The following GRID2 variants were observed in gnomAD, a reference collection of about 807,000 sequenced individuals.
The protein encoded by GRID2 is glutamate receptor ionotropic, delta-2.
A neutral mutation model predicts 114.8 loss-of-function variants in GRID2; 33 were observed. That is an observed-to-expected ratio of 0.29 (90% CI 0.22 to 0.38). The LOEUF (loss-of-function observed/expected upper bound fraction) is 0.38, where lower values mean the gene tolerates loss of function less well. Among genes scored for constraint, GRID2 ranks in the 10% least tolerant of loss-of-function variants. GRID2 has a pLI of 1.00. For missense variants in GRID2, 1,184 were observed against 1,257.7 expected (o/e 0.94, Z 0.89); for synonymous variants, 505 against 449.9 (o/e 1.12, Z -1.55).
At chr4:93,517,133 A>T (rs1175528986) in intron 13 of GRID2, among the ~76,000 whole-genome samples, 1 of 152,040 alleles carries the variant, frequency 6.6e-6, no homozygotes, top group African/African-American at 2.4e-5. Flanking sequence ...GTCAAGATTA[A>T]ATAAGATAAT....
chr4:92,611,112 G>A (rs1303502283), intron 2 of GRID2, among the ~76,000 whole-genome samples: 3 of 134,582 alleles, frequency 2.2e-5, no homozygotes, highest in African/African-American at 7.9e-5. Context: ...GTATATGTGT[G>A]TGTATGTGTG....
intron 1 of GRID2, among the ~76,000 whole-genome samples, chr4:92,434,450 C>T (rs1436895809): frequency 1.3e-5 from 2 of 152,118 alleles, no homozygotes; most frequent in African/African-American, 4.8e-5. Context: ...TGCTGTTTTC[C>T]TTGCGCCTAT....
intron 2 of GRID2, among the ~76,000 whole-genome samples, chr4:92,642,135 A>G (rs1270302544): frequency 6.6e-6 from 1 of 151,410 alleles, no homozygotes; most frequent in East Asian, 1.9e-4. Context: ...TTGTATAAGG[A>G]TCTGTTTTCC....
intron 14 of GRID2, among the ~76,000 whole-genome samples, chr4:93,725,272 T>G (rs1216061545): frequency 6.6e-6 from 1 of 152,190 alleles, no homozygotes; most frequent in East Asian, 1.9e-4. Flanking sequence ...CTGAGAATGA[T>G]GGTTTCCAGT....
At chr4:93,746,087 A>T (rs1177338154) in intron 14 of GRID2, among the ~76,000 whole-genome samples, 1 of 152,126 alleles carries the variant, frequency 6.6e-6, no homozygotes, top group Non-Finnish European at 1.5e-5. Context: ...GTAAGTGTAT[A>T]GGTCTTTGGT....
intron 2 of GRID2, among the ~76,000 whole-genome samples, chr4:92,880,946 A>G (rs1745961534): frequency 6.6e-6 from 1 of 152,026 alleles, no homozygotes; most frequent in African/African-American, 2.4e-5. Flanking sequence ...CTGTCGCCCC[A>G]GGCTGGAGTG....
chr4:92,956,958 C>T (rs1354901807), intron 2 of GRID2, among the ~76,000 whole-genome samples: 3 of 152,058 alleles, frequency 2.0e-5, no homozygotes, highest in Non-Finnish European at 4.4e-5. Flanking sequence ...TGTATATCTT[C>T]TTTGGTGAGG....
At chr4:93,281,238 A>T (rs560199898) in intron 8 of GRID2, among the ~76,000 whole-genome samples, 2 of 151,888 alleles carry the variant, frequency 1.3e-5, no homozygotes, top group South Asian at 4.2e-4. Context: ...GAAGTGAGGG[A>T]AATAAATTAC....
intron 12 of GRID2, among the ~76,000 whole-genome samples, chr4:93,497,173 C>G (rs1359944817): frequency 6.6e-6 from 1 of 151,418 alleles, no homozygotes; most frequent in African/African-American, 2.4e-5. Context: ...TAATCCTTAT[C>G]CTCTTCCATG....
intron 8 of GRID2, among the ~76,000 whole-genome samples, chr4:93,334,907 G>A (rs1478653843): frequency 6.6e-6 from 1 of 151,858 alleles, no homozygotes; most frequent in Non-Finnish European, 1.5e-5. Context: ...TTCCAGCCTG[G>A]GCAACAAGAG....
chr4:93,114,217 C>T (rs1733031210), intron 4 of GRID2, among the ~76,000 whole-genome samples: 1 of 152,056 alleles, frequency 6.6e-6, no homozygotes, highest in South Asian at 2.1e-4. Flanking sequence ...TACTCATTAC[C>T]AATAACCTAC....
intron 2 of GRID2, among the ~76,000 whole-genome samples, chr4:92,688,243 T>A (rs1348703978): frequency 1.3e-5 from 2 of 150,994 alleles, no homozygotes; most frequent in Admixed American, 6.6e-5. Flanking sequence ...AGTAACAGGG[T>A]TTCACTATTT....
chr4:93,543,718 G>T (rs1457523969), intron 13 of GRID2, among the ~76,000 whole-genome samples: 3 of 144,188 alleles, frequency 2.1e-5, no homozygotes, highest in Non-Finnish European at 4.6e-5. Context: ...GATAGAGAGA[G>T]AGAGAGAGAG....
At chr4:92,538,505 G>T (rs1021542939) in intron 1 of GRID2, among the ~76,000 whole-genome samples, 4 of 152,154 alleles carry the variant, frequency 2.6e-5, no homozygotes, top group Admixed American at 2.6e-4. Flanking sequence ...TCATGAGAAA[G>T]TATGACTTGG....
intron 2 of GRID2, among the ~76,000 whole-genome samples, chr4:92,857,395 GAA>G (rs1236248368): frequency 6.6e-6 from 1 of 152,136 alleles, no homozygotes; most frequent in Non-Finnish European, 1.5e-5. Context: ...TAAAGGAAAT[GAA>G]AAGTGTTACT....
intron 8 of GRID2, among the ~76,000 whole-genome samples, chr4:93,345,724 A>C (rs1760160793): frequency 6.6e-6 from 1 of 152,064 alleles, no homozygotes; most frequent in African/African-American, 2.4e-5. Context: ...GCCCAGATCA[A>C]TGTCAAGAAG....
At chr4:93,589,489 T>G (rs1055957675) in intron 13 of GRID2, among the ~76,000 whole-genome samples, 1 of 152,102 alleles carries the variant, frequency 6.6e-6, no homozygotes, top group Non-Finnish European at 1.5e-5. Context: ...TCTTTGCTAT[T>G]GTGAATAATG....
At position 93,518,577 on chromosome 4, in the gene GRID2, T is replaced by C. The variant is rs188914544; in HGVS notation, c.2193+3166T>C. 3.3e-5 allele frequency among the ~76,000 whole-genome samples: 5 copies of C among 152,138 alleles called. No homozygotes were observed. The East Asian group carries it at 9.7e-4, about 29-fold the overall frequency. ...TTCATGGAGTTTGCATTATAGTGGG[T>C]ATAAACAATAAACAAAATAAACAAG... On this transcript the variant is annotated intron_variant, in intron 13 of 15. Coordinates refer to ENST00000282020, the MANE Select transcript of GRID2 (RefSeq NM_001510.4).
chr4:93,425,107 C>A (rs1768710212), intron 10 of GRID2, among the ~76,000 whole-genome samples: 1 of 152,062 alleles, frequency 6.6e-6, no homozygotes, highest in African/African-American at 2.4e-5. Flanking sequence ...ATAATGGCTT[C>A]TTTAAAGTCC....
Sources: gnomAD v4.1 joint callset for allele counts (sites outside exome capture counted in the v4.1 genomes callset) on GRCh38, gnomAD v4.1.1 for gene constraint, MANE v1.5 for transcripts, NCBI Gene and HGNC (gene_info 2026-07-23, HGNC 2026-07-21) for gene names.